The following ARHGAP19 variants were observed in gnomAD, a reference collection of about 807,000 sequenced individuals.
ARHGAP19 encodes Rho GTPase activating protein 19.
ARHGAP19 carries 48 observed loss-of-function variants against 60.9 expected under a neutral mutation model. That is an observed-to-expected ratio of 0.79 (90% CI 0.62 to 1.00). The LOEUF is 1.00. ARHGAP19 is among the 50% of genes least tolerant of loss of function. The pLI is 0.00. For missense variants in ARHGAP19, 562 were observed against 597.2 expected (o/e 0.94, Z 0.61); for synonymous variants, 209 against 215.5 (o/e 0.97, Z 0.27).
At chr10:97,233,943 G>T (rs182354312) in intron 9 of ARHGAP19, among the ~76,000 whole-genome samples, 2 of 151,520 alleles carry the variant, frequency 1.3e-5, no homozygotes, top group African/African-American at 4.9e-5. Flanking sequence ...GGGCCTGTTG[G>T]GGGGTGGAGT....
chr10:97,269,064 A>G (rs1009899743), intron 1 of ARHGAP19, among the ~76,000 whole-genome samples: 26 of 152,148 alleles, frequency 1.7e-4, no homozygotes, highest in Non-Finnish European at 1.5e-5. Flanking sequence ...ATACAAACAT[A>G]CCCACAGTAA....
intron 6 of ARHGAP19, among the ~76,000 whole-genome samples, chr10:97,249,020 A>G (rs1435017176): frequency 1.3e-5 from 2 of 152,060 alleles, no homozygotes; most frequent in African/African-American, 4.8e-5. Flanking sequence ...GTTTTGCCAC[A>G]TTGCCCAGGA....
intron 10 of ARHGAP19, 125 bp from the exon 11 acceptor site, chr10:97,229,350 A>G: frequency 1.3e-6 from 1 of 790,244 alleles, no homozygotes; most frequent in East Asian, 2.6e-5. Flanking sequence ...TGATGTATTT[A>G]TATCTCATTA....
intron 1 of ARHGAP19, among the ~76,000 whole-genome samples, chr10:97,287,494 C>T (rs544816759): frequency 4.6e-5 from 7 of 152,314 alleles, no homozygotes; most frequent in African/African-American, 1.7e-4. Context: ...ATATTCCCAA[C>T]ACTTTGGGAG....
chr10:97,289,687 AC>A (rs1219573187), intron 1 of ARHGAP19, among the ~76,000 whole-genome samples: 2 of 151,838 alleles, frequency 1.3e-5, no homozygotes, highest in Non-Finnish European at 2.9e-5. Context: ...AAACAAAACA[AC>A]AACAACAACA....
intron 1 of ARHGAP19, among the ~76,000 whole-genome samples, chr10:97,288,176 TCA>T (rs1843180425): frequency 6.6e-6 from 1 of 152,194 alleles, no homozygotes; most frequent in South Asian, 2.1e-4. Flanking sequence ...TTCTAAATGA[TCA>T]CATATTCTGC....
chr10:97,273,603 C>T (rs367954035), intron 1 of ARHGAP19, among the ~76,000 whole-genome samples: 76 of 150,922 alleles, frequency 5.0e-4, no homozygotes, highest in Non-Finnish European at 6.8e-4. Context: ...ATTCTCATGC[C>T]TCAGACTCCT....
At chr10:97,246,731 C>A (rs575646110) in intron 6 of ARHGAP19, among the ~76,000 whole-genome samples, 3 of 152,244 alleles carry the variant, frequency 2.0e-5, no homozygotes, top group African/African-American at 7.2e-5. Flanking sequence ...TAGAAAATAT[C>A]ATTTAATGTC....
At chr10:97,287,852 C>T (rs1467482399) in intron 1 of ARHGAP19, among the ~76,000 whole-genome samples, 3 of 152,076 alleles carry the variant, frequency 2.0e-5, no homozygotes, top group Non-Finnish European at 2.9e-5. Flanking sequence ...CACCTGAGGT[C>T]GGGAGTTCAA....
chr10:97,225,180 C>T lies in ARHGAP19; in HGVS notation c.*942G>A, dbSNP rs1850872840. 2 of 152,374 alleles carry T rather than the reference C, an allele frequency of 1.3e-5. No individual in the cohort carries two copies. The highest frequency in any genetic ancestry group is 6.5e-5 in the Admixed American group (1 of 15,298). 9.4% of individuals were successfully genotyped at this position (152,374 alleles called of 1,614,324 possible). A position where few individuals can be genotyped will look rare whatever the true frequency, so the allele number is the denominator to read the frequency against. ...CACACTCCAGAGCTTCCCCCACATA[C>T]AAATATTTTAGCAAACTTCTCTTAT... On this transcript the variant is annotated 3_prime_UTR_variant, in exon 12 of 12. Coordinates refer to ENST00000358531, the MANE Select transcript of ARHGAP19 (RefSeq NM_032900.6).
intron 11 of ARHGAP19, among the ~76,000 whole-genome samples, chr10:97,228,393 T>G (rs1850938137): frequency 6.6e-6 from 1 of 152,204 alleles, no homozygotes; most frequent in Non-Finnish European, 1.5e-5. Flanking sequence ...ACAATGACAA[T>G]GTGCTGCCAA....
At chr10:97,280,858 T>C (rs575260586) in intron 1 of ARHGAP19, among the ~76,000 whole-genome samples, 1 of 152,254 alleles carries the variant, frequency 6.6e-6, no homozygotes, top group Admixed American at 6.5e-5. Flanking sequence ...GTGCTGGCAT[T>C]AGGCATGAGC....
chr10:97,259,497 G>A lies in ARHGAP19; in HGVS notation c.745C>T (p.Leu249Phe), dbSNP rs375097725. ...TGTTTCTTTGCTGTCTGGTATAGGA[G>A]ATCAAGCAATAACTTCAGCAAATTA... ...NRNLLKLLLD[L>F]LYQTAKKQDK... Residue 249 changes from leucine (L) to phenylalanine (F), a missense_variant, in exon 5 of 12, where the codon CTC becomes TTC. Physicochemically the swap from Leu to Phe is conservative, Grantham distance 22. Coordinates refer to ENST00000358531, the MANE Select transcript of ARHGAP19 (RefSeq NM_032900.6). The A allele has an allele frequency of 1.1e-5, 18 of 1,614,168 alleles. No individual in the cohort carries two copies. Among genetic ancestry groups the A allele is most frequent in the Non-Finnish European group, 1.4e-5 (17 of 1,180,018 alleles).
At chr10:97,288,303 C>T (rs544170892) in intron 1 of ARHGAP19, among the ~76,000 whole-genome samples, 3 of 151,060 alleles carry the variant, frequency 2.0e-5, no homozygotes, top group Non-Finnish European at 4.4e-5. Flanking sequence ...TCCCTGCAGC[C>T]GGGAGTGGTG....
At chr10:97,227,243 C>G (rs1022106580) in intron 11 of ARHGAP19, among the ~76,000 whole-genome samples, 2 of 152,144 alleles carry the variant, frequency 1.3e-5, no homozygotes, top group Non-Finnish European at 2.9e-5. Flanking sequence ...ATCAAAAAAT[C>G]TGAGGTTGTA....
intron 1 of ARHGAP19, among the ~76,000 whole-genome samples, chr10:97,281,296 G>A (rs1393248328): frequency 6.6e-6 from 1 of 152,052 alleles, no homozygotes; most frequent in African/African-American, 2.4e-5. Flanking sequence ...AACTACTCAG[G>A]AGGCTGAGGT....
chr10:97,258,296 CG>C (rs1842782831), intron 5 of ARHGAP19, among the ~76,000 whole-genome samples: 1 of 152,146 alleles, frequency 6.6e-6, no homozygotes. Flanking sequence ...GAGGCAGCAG[CG>C]GGTGGATCAC....
intron 6 of ARHGAP19, among the ~76,000 whole-genome samples, chr10:97,254,258 G>C (rs111849851): frequency 6.6e-6 from 1 of 152,088 alleles, no homozygotes; most frequent in Non-Finnish European, 1.5e-5. Context: ...TGGAGGACTC[G>C]AGCTTCCTGA....
intron 6 of ARHGAP19, among the ~76,000 whole-genome samples, chr10:97,252,940 G>C (rs1589458683): frequency 6.6e-6 from 1 of 152,058 alleles, no homozygotes; most frequent in Admixed American, 6.6e-5. Flanking sequence ...AGAAAATGTG[G>C]CGTATATACA....
Sources: allele counts gnomAD v4.1 joint callset (sites outside exome capture counted in the v4.1 genomes callset), GRCh38; gene constraint gnomAD v4.1.1; transcripts MANE v1.5; gene names NCBI Gene and HGNC (gene_info 2026-07-23, HGNC 2026-07-21).